Variants in WWP1 observed in about 807,000 individuals in gnomAD.
WWP1 encodes the protein NEDD4-like E3 ubiquitin-protein ligase WWP1.
A neutral mutation model predicts 130.6 loss-of-function variants in WWP1; 49 were observed. The ratio of observed to expected loss-of-function variants is 0.38; its 90% confidence interval spans 0.30 to 0.48. The LOEUF is 0.48. Ranked by LOEUF, WWP1 falls within the 20% of genes least tolerant of loss-of-function variation. The pLI is 0.99. For missense variants in WWP1, 809 were observed against 1,100.6 expected, an observed-to-expected ratio of 0.74 and a Z score of 3.75; for synonymous variants, 332 against 367.8, an observed-to-expected ratio of 0.90 and a Z score of 1.11.
chr8:86,385,896 T>C (rs577792181), intron 5 of WWP1, among the ~76,000 whole-genome samples: 1 of 152,344 alleles, frequency 6.6e-6, no homozygotes, highest in South Asian at 2.1e-4. Context: ...TAAAGCAGTA[T>C]TGAACAACAC....
intron 12 of WWP1, 23 bp from the exon 13 acceptor site, chr8:86,431,383 A>G (rs1018514211): frequency 2.7e-6 from 4 of 1,463,998 alleles, no homozygotes; most frequent in Non-Finnish European, 3.7e-6. Flanking sequence ...GTTATTAAAT[A>G]TTATACTCAC....
At chr8:86,352,858 T>C (rs1823019422) in intron 1 of WWP1, among the ~76,000 whole-genome samples, 2 of 152,230 alleles carry the variant, frequency 1.3e-5, no homozygotes, top group Admixed American at 1.3e-4. Context: ...AGATGTCCAT[T>C]AGGCTTCCTT....
intron 1 of WWP1, among the ~76,000 whole-genome samples, chr8:86,367,023 C>G (rs1200939428): frequency 6.6e-6 from 1 of 152,160 alleles, no homozygotes; most frequent in Non-Finnish European, 1.5e-5. Context: ...ATCTTTGCCA[C>G]ATTCATTGAG....
At chr8:86,441,145 G>A (rs1432593670) in intron 17 of WWP1, among the ~76,000 whole-genome samples, 1 of 152,116 alleles carries the variant, frequency 6.6e-6, no homozygotes, top group Non-Finnish European at 1.5e-5. Flanking sequence ...GTTTTCTCTG[G>A]GCTGTTGTTT....
intron 8 of WWP1, among the ~76,000 whole-genome samples, chr8:86,410,719 T>TTC (rs1554565769): frequency 6.6e-6 from 1 of 151,380 alleles, no homozygotes; most frequent in African/African-American, 2.4e-5. Context: ...TTTTTTTTTT[T>TTC]CTGTATCTGG....
At position 86,438,769 on chromosome 8, in the gene WWP1, A is replaced by G. The variant is rs1329466523; in HGVS notation, c.1838+96A>G. 7.6e-6 allele frequency: 8 copies of G among 1,048,486 alleles called. No homozygotes were observed. In the Admixed American group the frequency reaches 1.7e-4, roughly 23 times the overall value. The allele number at this position is 1,048,486 out of a possible 1,614,324, so 64.9% of individuals were successfully genotyped here. ...AACATATGTGAATATATTGTATTAA[A>G]TTTTTGAATTAACAATCCAGAATTT... is the stretch of plus-strand genomic sequence containing the variant. On this transcript the variant is annotated intron_variant, in intron 17 of 24. Transcript: ENST00000517970.
chr8:86,452,646 G>A lies in WWP1; in HGVS notation c.2361G>A (p.Gln787=), dbSNP rs1416420018. ...LDGFNEVVPL[Q]WLQYFDEKEL... ...GTTTTAATGAAGTTGTTCCTCTTCA[G>A]TGGCTACAGTACTTCGATGAAAAAG... Residue 787 remains glutamine (Q), a synonymous_variant, in exon 21 of 25, where the codon CAG becomes CAA. Transcript: ENST00000517970. 2 of 1,613,286 alleles carry A rather than the reference G, an allele frequency of 1.2e-6. No individual in the cohort carries two copies. Among genetic ancestry groups the A allele is most frequent in the Non-Finnish European group, 1.7e-6 (2 of 1,179,600 alleles).
intron 1 of WWP1, among the ~76,000 whole-genome samples, chr8:86,364,703 G>A (rs1823855718): frequency 6.6e-6 from 1 of 151,852 alleles, no homozygotes; most frequent in African/African-American, 2.4e-5. Context: ...CTACTTGAGA[G>A]TCTCAGGCAG....
chr8:86,463,276 T>C (rs1483277216), intron 24 of WWP1, among the ~76,000 whole-genome samples: 5 of 152,134 alleles, frequency 3.3e-5, no homozygotes, highest in Non-Finnish European at 1.5e-5. Flanking sequence ...TTCTTAAGAC[T>C]TTCCTCGATG....
chr8:86,349,956 C>G (rs886932568), intron 1 of WWP1, among the ~76,000 whole-genome samples: 1 of 152,072 alleles, frequency 6.6e-6, no homozygotes, highest in Non-Finnish European at 1.5e-5. Flanking sequence ...TCTTGACTAT[C>G]ACTCTGGCCT....
At chr8:86,365,285 A>G (rs1007311169) in intron 1 of WWP1, among the ~76,000 whole-genome samples, 1 of 152,224 alleles carries the variant, frequency 6.6e-6, no homozygotes, top group Non-Finnish European at 1.5e-5. Context: ...AAAGGGCCAT[A>G]TATTGTGCAC....
At chr8:86,407,987 C>T (rs371785576) in intron 8 of WWP1, among the ~76,000 whole-genome samples, 5 of 152,106 alleles carry the variant, frequency 3.3e-5, no homozygotes, top group African/African-American at 4.8e-5. Flanking sequence ...AAATGCATAT[C>T]GTCATGTACA....
intron 9 of WWP1, among the ~76,000 whole-genome samples, chr8:86,421,021 ACAGAAT>A (rs1809172031): frequency 6.6e-6 from 1 of 152,214 alleles, no homozygotes; most frequent in African/African-American, 2.4e-5. Flanking sequence ...AAGCTTTCAT[ACAGAAT>A]AGCCCATTGT....
rs1812233980 is a variant in WWP1 at position 86,467,388 on chromosome 8, G to C, written c.*495G>C. On this transcript the variant is annotated 3_prime_UTR_variant, in exon 25 of 25. Coordinates refer to ENST00000517970, the MANE Select transcript of WWP1 (RefSeq NM_007013.4). Reference sequence around the variant, plus strand: ...AAGGGCTTAGGCCAAATCTTACTTTGAGTATGTTAAAAAAAAAAAAATGCT... The same window carrying C: ...AAGGGCTTAGGCCAAATCTTACTTTCAGTATGTTAAAAAAAAAAAAATGCT... 6.6e-6 allele frequency: 1 copy of C among 151,538 alleles called. No individual in the cohort carries two copies. The allele number at this position is 151,538 out of a possible 1,614,324, so 9.4% of individuals were successfully genotyped here.
At chr8:86,426,466 G>T (rs891802924) in intron 10 of WWP1, among the ~76,000 whole-genome samples, 1 of 151,542 alleles carries the variant, frequency 6.6e-6, no homozygotes, top group Non-Finnish European at 1.5e-5. Context: ...AGAACAGGTG[G>T]GAGTTGGAGT....
chr8:86,355,259 T>TG (rs1273700883), intron 1 of WWP1, among the ~76,000 whole-genome samples: 1 of 152,220 alleles, frequency 6.6e-6, no homozygotes, highest in Admixed American at 6.5e-5. Context: ...GATATCCTGA[T>TG]GATGAGCACA....
chr8:86,452,912 T>C (rs895463024), intron 21 of WWP1, among the ~76,000 whole-genome samples: 1 of 152,156 alleles, frequency 6.6e-6, no homozygotes, highest in African/African-American at 2.4e-5. Flanking sequence ...TGTCACTTGT[T>C]AGGGGTCTTG....
intron 1 of WWP1, among the ~76,000 whole-genome samples, chr8:86,363,659 G>A (rs932834796): frequency 6.6e-6 from 1 of 151,774 alleles, no homozygotes; most frequent in African/African-American, 2.4e-5. Flanking sequence ...CAAATTAGCC[G>A]GGTGTGGGCA....
intron 5 of WWP1, among the ~76,000 whole-genome samples, chr8:86,387,851 C>A (rs542720507): frequency 6.6e-6 from 1 of 152,276 alleles, no homozygotes; most frequent in Admixed American, 6.5e-5. Context: ...ATATAATTTT[C>A]TTCCATCTTC....
Sources: gnomAD v4.1 joint callset for allele counts (sites outside exome capture counted in the v4.1 genomes callset) on GRCh38, gnomAD v4.1.1 for gene constraint, MANE v1.5 for transcripts, NCBI Gene and HGNC (gene_info 2026-07-23, HGNC 2026-07-21) for gene names.